KRT8: variants seen among roughly 807,000 people sequenced by gnomAD.
KRT8 encodes the protein keratin, type II cytoskeletal 8.
A neutral mutation model predicts 43.0 loss-of-function variants in KRT8; 24 were observed. That is an observed-to-expected ratio of 0.56 (90% CI 0.40 to 0.78). The LOEUF (loss-of-function observed/expected upper bound fraction) is 0.78, where lower values mean the gene tolerates loss of function less well. Among genes scored for constraint, KRT8 ranks in the 30% least tolerant of loss-of-function variants. The pLI, the probability that KRT8 is intolerant of heterozygous loss-of-function variation, is 0.00. For synonymous variants in KRT8, 214 were observed against 261.2 expected (o/e 0.82, Z 1.74); for missense variants, 492 against 638.4 (o/e 0.77, Z 2.47).
At chr12:52,928,234 A>G (rs1260505378) in intron 2 of KRT8, among the ~76,000 whole-genome samples, 1 of 152,198 alleles carries the variant, frequency 6.6e-6, no homozygotes, top group Non-Finnish European at 1.5e-5. Context: ...AGAGCAGAAG[A>G]GTGTGTCTCC....
At chr12:52,919,400 G>A (rs969625946) in intron 2 of KRT8, among the ~76,000 whole-genome samples, 1 of 152,058 alleles carries the variant, frequency 6.6e-6, no homozygotes, top group Non-Finnish European at 1.5e-5. Flanking sequence ...CCAAGTAGCT[G>A]GGACTACAGG....
chr12:52,934,883 C>T (rs1000142820), intron 2 of KRT8, among the ~76,000 whole-genome samples: 3 of 151,906 alleles, frequency 2.0e-5, no homozygotes, highest in Admixed American at 6.6e-5. Context: ...GCAGGAGAAT[C>T]GCTTGAACCC....
At chr12:52,902,232 G>C (rs1941390626) in intron 1 of KRT8, 160 bp from the exon 2 acceptor site, 2 of 629,086 alleles carry the variant, frequency 3.2e-6, no homozygotes, top group Non-Finnish European at 5.7e-6. Context: ...CTATGACCAG[G>C]GGGAGAAAGC....
Position 52,917,008 on chromosome 12 carries a change from A to G in KRT8, c.-46-11981T>C, listed in dbSNP as rs7969669. ...CATTCATCGGTGTGACCCAAGGGAT[A>G]TAACCAGCACCAATAGGAAGGATTC... On this transcript the variant is annotated intron_variant, in intron 2 of 6. Transcript: ENST00000546826. Among the ~76,000 whole-genome samples the G allele has an allele frequency of 8.6e-3, 1,307 of 152,304 alleles. 10 individuals carry two copies. Among genetic ancestry groups the G allele is most frequent in the Non-Finnish European group, 0.013 (893 of 68,028 alleles).
At chr12:52,912,651 T>G (rs2120618504) in intron 2 of KRT8, among the ~76,000 whole-genome samples, 1 of 152,296 alleles carries the variant, frequency 6.6e-6, no homozygotes, top group South Asian at 2.1e-4. Context: ...GGGCAGGGGA[T>G]GGTCCTCTGC....
At chr12:52,923,577 G>A (rs1026324085) in intron 2 of KRT8, among the ~76,000 whole-genome samples, 4 of 151,934 alleles carry the variant, frequency 2.6e-5, no homozygotes, top group African/African-American at 9.7e-5. Flanking sequence ...CAGCCACCAC[G>A]CCTGGCTAAT....
chr12:52,911,078 G>A (rs1328715590), upstream of KRT8, among the ~76,000 whole-genome samples: 4 of 152,132 alleles, frequency 2.6e-5, no homozygotes, highest in Non-Finnish European at 5.9e-5. Context: ...CAGGCCAGAC[G>A]TGGTGGCTCA....
chr12:52,933,775 C>A (rs561708411), intron 2 of KRT8, among the ~76,000 whole-genome samples: 2 of 151,840 alleles, frequency 1.3e-5, no homozygotes, highest in East Asian at 3.9e-4. Context: ...CAGGTGCCCA[C>A]GACCATGCCT....
At chr12:52,929,188 C>CTTTTT (rs59896088) in intron 2 of KRT8, among the ~76,000 whole-genome samples, 1 of 132,928 alleles carries the variant, frequency 7.5e-6, no homozygotes, top group African/African-American at 2.8e-5. Context: ...TCCTTCCTTT[C>CTTTTT]TTTTTTTTTT....
rs780140219 is a variant in KRT8, at chr12:52,938,170, A to ATTTTTT, written c.-47+11280_-47+11285dup. Among the ~76,000 whole-genome samples the ATTTTTT allele has an allele frequency of 5.9e-4, 18 of 30,300 alleles. 1 individual carries two copies. Among genetic ancestry groups the ATTTTTT allele is most frequent in the Admixed American group, 8.5e-4 (2 of 2,352 alleles). 19.9% of individuals were successfully genotyped at this position (30,300 alleles called of 152,430 possible). A position where few individuals can be genotyped will look rare whatever the true frequency, so the allele number is the denominator to read the frequency against. On this transcript the variant is annotated intron_variant, in intron 2 of 6. Transcript: ENST00000546826. ...TATATATATATATATATATATATAT[A>ATTTTTT]TTTTTTTTTTTTTTTATATATAAGG...
At chr12:52,906,215 T>C (rs1941514701), upstream of KRT8, among the ~76,000 whole-genome samples, 1 of 152,078 alleles carries the variant, frequency 6.6e-6, no homozygotes, top group South Asian at 2.1e-4. Flanking sequence ...TAGAGAATGA[T>C]GAACAGGGCT....
chr12:52,924,402 TTG>T, intron 2 of KRT8, among the ~76,000 whole-genome samples: 1 of 151,290 alleles, frequency 6.6e-6, no homozygotes, highest in Non-Finnish European at 1.5e-5. Flanking sequence ...TGAGCTGAGA[TTG>T]CGCCACTGCA....
intron 2 of KRT8, among the ~76,000 whole-genome samples, chr12:52,941,676 C>G (rs749007257): frequency 6.6e-6 from 1 of 151,770 alleles, no homozygotes; most frequent in Non-Finnish European, 1.5e-5. Context: ...TTAGTAGAGA[C>G]AGGGTTTCTC....
At chr12:52,897,249 T>C in exon 8 of KRT8, 1 of 685,366 alleles carries the variant, frequency 1.5e-6, no homozygotes, top group South Asian at 1.6e-5. Context: ...TTGAATTGTT[T>C]TGTAGCTGGA....
chr12:52,897,993 G>A (rs759054823), intron 7 of KRT8, among the ~76,000 whole-genome samples: 4 of 152,012 alleles, frequency 2.6e-5, no homozygotes, highest in Non-Finnish European at 5.9e-5. Context: ...GTGAAACCCC[G>A]TCTCTACTAA....
chr12:52,923,634 G>T (rs1372393377), intron 2 of KRT8, among the ~76,000 whole-genome samples: 1 of 151,794 alleles, frequency 6.6e-6, no homozygotes, highest in African/African-American at 2.4e-5. Flanking sequence ...TAGCCAGGAT[G>T]GTCTCAATCT....
chr12:52,949,416 G>T, intron 2 of KRT8: 1 of 1,612,704 alleles, frequency 6.2e-7, no homozygotes, highest in Non-Finnish European at 8.5e-7. Context: ...AGAACGAGAA[G>T]GAGACCATGC....
chr12:52,912,317 C>T (rs1941652096), intron 2 of KRT8, among the ~76,000 whole-genome samples: 1 of 152,236 alleles, frequency 6.6e-6, no homozygotes, highest in Non-Finnish European at 1.5e-5. Context: ...ATGAAAATTT[C>T]TGAGTCTCTG....
At chr12:52,905,017 A>G (rs572448387) in exon 1 of KRT8, 1 of 1,586,260 alleles carries the variant, frequency 6.3e-7, no homozygotes, top group African/African-American at 1.3e-5. Flanking sequence ...GGGCCGAACC[A>G]GGCGGAGATC....
Sources: gnomAD v4.1 joint callset for allele counts (sites outside exome capture counted in the v4.1 genomes callset) on GRCh38, gnomAD v4.1.1 for gene constraint, MANE v1.5 for transcripts, NCBI Gene and HGNC (gene_info 2026-07-23, HGNC 2026-07-21) for gene names.